The following COL4A3 variants were observed in gnomAD, a reference collection of about 807,000 sequenced individuals.
COL4A3 encodes collagen alpha-3(IV) chain.
In COL4A3, 135 loss-of-function variants were observed where a neutral mutation model predicts 217.4. That is an observed-to-expected ratio of 0.62 (90% CI 0.54 to 0.72). The LOEUF is 0.72. Ranked by LOEUF, COL4A3 falls within the 30% of genes least tolerant of loss-of-function variation. COL4A3 has a pLI of 0.00. For synonymous variants in COL4A3, 690 were observed against 736.3 expected, an observed-to-expected ratio of 0.94 and a Z score of 1.02; for missense variants, 1,868 against 2,119.9, an observed-to-expected ratio of 0.88 and a Z score of 2.33.
chr2:227,196,734 A>T (rs1302954390), intron 1 of COL4A3, among the ~76,000 whole-genome samples: 1 of 152,200 alleles, frequency 6.6e-6, no homozygotes, highest in Non-Finnish European at 1.5e-5. Context: ...CACATCTGTT[A>T]TGTACTTTTG....
In COL4A3 at chr2:227,293,305, C is replaced by T. The variant is rs55816283; in HGVS notation, c.3325C>T (p.Pro1109Ser). ...PEGAPGSPGS[P>S]GLPGKPGPHG... is the part of the protein sequence containing the mutation. ...GGGAGCCCCTGGAAGTCCTGGAAGTCCTGGCCTCCCAGGTAAGGCTTGAGT... is the reference window on the plus strand; with the variant it reads ...GGGAGCCCCTGGAAGTCCTGGAAGTTCTGGCCTCCCAGGTAAGGCTTGAGT... The change falls in exon 38 of 52, where the codon CCT (proline) becomes TCT (serine). Residue 1109 changes from proline to serine, a missense_variant. Pro to Ser is a moderately conservative substitution (Grantham distance 74). Coordinates refer to ENST00000396578, the MANE Select transcript of COL4A3 (RefSeq NM_000091.5). The T allele has an allele frequency of 6.0e-3, 9,701 of 1,613,784 alleles. 48 individuals carry two copies. The highest frequency in any genetic ancestry group is 6.9e-3 in the Non-Finnish European group (8,189 of 1,179,986).
intron 37 of COL4A3, among the ~76,000 whole-genome samples, chr2:227,291,522 C>A (rs1342004821): frequency 3.1e-5 from 4 of 128,096 alleles, no homozygotes; most frequent in Non-Finnish European, 6.2e-5. Context: ...GAGATCGCGC[C>A]ACTGCACTCC....
At chr2:227,248,331 C>T (rs777375490) in intron 8 of COL4A3, 112 bp from the exon 9 acceptor site, 7 of 769,482 alleles carry the variant, frequency 9.1e-6, no homozygotes, top group East Asian at 2.5e-5. Flanking sequence ...TCTCTGAGTA[C>T]ATAACTTGAA....
intron 17 of COL4A3, among the ~76,000 whole-genome samples, chr2:227,257,158 A>ATG (rs1269248779): frequency 1.3e-5 from 2 of 152,340 alleles, no homozygotes; most frequent in Non-Finnish European, 2.9e-5. Context: ...ATGTAGGTAT[A>ATG]TGTGCAGAGT....
chr2:227,248,548 T>C, intron 9 of COL4A3, 28 bp downstream of exon 9: 1 of 1,515,118 alleles, frequency 6.6e-7, no homozygotes, highest in Non-Finnish European at 9.2e-7. Flanking sequence ...AGGTCCCTAT[T>C]ATTCTCAGTT....
intron 1 of COL4A3, among the ~76,000 whole-genome samples, chr2:227,213,609 CAT>C (rs2067406775): frequency 1.3e-5 from 2 of 151,940 alleles, no homozygotes; most frequent in Admixed American, 1.3e-4. Flanking sequence ...TGATTAAAAA[CAT>C]ACATATAAAT....
intron 28 of COL4A3, among the ~76,000 whole-genome samples, chr2:227,277,770 C>A (rs1376492006): frequency 6.6e-6 from 1 of 152,098 alleles, no homozygotes; most frequent in East Asian, 1.9e-4. Flanking sequence ...GAGGCCAAGG[C>A]AGGCAGATCA....
intron 9 of COL4A3, among the ~76,000 whole-genome samples, chr2:227,249,232 T>TATATATATATATA (rs1559865184): frequency 1.4e-4 from 2 of 14,198 alleles, no homozygotes; most frequent in African/African-American, 3.7e-4. Context: ...ATATATATAT[T>TATATATATATATA]TTTTTTTTTT....
chr2:227,281,688 G>A (rs1406743549), intron 31 of COL4A3: 1 of 152,724 alleles, frequency 6.5e-6, no homozygotes, highest in East Asian at 1.9e-4. Flanking sequence ...TTTTCCAGAG[G>A]CATCCAGTGG....
intron 26 of COL4A3, among the ~76,000 whole-genome samples, chr2:227,276,099 A>G (rs1013511603): frequency 6.6e-6 from 1 of 152,242 alleles, no homozygotes; most frequent in Non-Finnish European, 1.5e-5. Context: ...ATCCTAATGT[A>G]AGAGGGTAAA....
rs1167831798 is a variant in COL4A3, at chr2:227,252,065, T to C, written c.645+694T>C. On this transcript the variant is annotated intron_variant, in intron 11 of 51. Coordinates refer to ENST00000396578, the MANE Select transcript of COL4A3 (RefSeq NM_000091.5). ...GCCTGGGTGACAGAAAGAGGCACCA[T>C]CTCAAAAAAAAAAAAAAAAAAAAAA... Among the ~76,000 whole-genome samples, 34 of 85,796 alleles carry C rather than the reference T, an allele frequency of 4.0e-4. No individual in the cohort carries two copies. The Admixed American group carries it at 5.4e-3, about 14-fold the overall frequency. The allele number at this position is 85,796 out of a possible 152,430, so 56.3% of individuals were successfully genotyped here. A position where few individuals can be genotyped will look rare whatever the true frequency, so the allele number is the denominator to read the frequency against.
chr2:227,234,188 AAG>A (rs1044333120), intron 1 of COL4A3, among the ~76,000 whole-genome samples: 53 of 152,114 alleles, frequency 3.5e-4, no homozygotes, highest in African/African-American at 1.2e-3. Flanking sequence ...GAGAGAGAGA[AAG>A]AGAGAAGGAG....
At chr2:227,190,337 G>C (rs572296329) in intron 1 of COL4A3, among the ~76,000 whole-genome samples, 4 of 152,228 alleles carry the variant, frequency 2.6e-5, no homozygotes, top group Admixed American at 6.5e-5. Context: ...AACATGCCTT[G>C]AATTCCATTT....
chr2:227,188,606 T>C (rs2066119866), intron 1 of COL4A3, among the ~76,000 whole-genome samples: 1 of 152,228 alleles, frequency 6.6e-6, no homozygotes, highest in Non-Finnish European at 1.5e-5. Context: ...TTTTAACTTG[T>C]TTAAAACTGG....
intron 1 of COL4A3, among the ~76,000 whole-genome samples, chr2:227,196,616 C>T (rs552562106): frequency 1.4e-4 from 22 of 152,164 alleles, no homozygotes; most frequent in African/African-American, 5.1e-4. Context: ...TGCGCCTGGC[C>T]GTTTTTATCT....
rs1315648970 is a variant in COL4A3 at position 227,313,904 on chromosome 2, T to C, written c.*2034T>C. 6.6e-6 allele frequency: 1 copy of C among 151,858 alleles called. No individual in the cohort carries two copies. The highest frequency in any genetic ancestry group is 6.6e-5 in the Admixed American group (1 of 15,216). The allele number at this position is 151,858 out of a possible 1,614,324, so 9.4% of individuals were successfully genotyped here. A position where few individuals can be genotyped will look rare whatever the true frequency, so the allele number is the denominator to read the frequency against. On this transcript the variant is annotated 3_prime_UTR_variant, in exon 52 of 52. Coordinates refer to ENST00000396578, the MANE Select transcript of COL4A3 (RefSeq NM_000091.5). ...TCTGGGAACTTGTCACAGATGCAGATTCTAGGGACCACTCCAGACCTACAC... is the reference window on the plus strand; with the variant it reads ...TCTGGGAACTTGTCACAGATGCAGACTCTAGGGACCACTCCAGACCTACAC...
In COL4A3 at chr2:227,282,581, A is replaced by G; in HGVS notation, c.2656+49A>G. 6.4e-7 allele frequency: 1 copy of G among 1,556,118 alleles called. No individual in the cohort carries two copies. Among genetic ancestry groups the G allele is most frequent in the Non-Finnish European group, 8.9e-7 (1 of 1,128,844 alleles). On this transcript the variant is annotated intron_variant, in intron 32 of 51. Transcript: ENST00000396578. The surrounding 1 kb of genome is among the most constrained non-coding windows in gnomAD (Gnocchi z 4.4). ...TTTCTTCTTATTTCTTCTTCTTCTT[A>G]AGGTGGCTCTGTCAACTGTACATAG...
At position 227,297,654 on chromosome 2, in the gene COL4A3, T is replaced by C. The variant is rs954811394; in HGVS notation, c.3566-20T>C. Reference sequence around the variant, plus strand: ...AGCATATGGGCATTAAAGAAACTTATTAAGCCTTCTTCTTTGCAGGAGCCA... The same window carrying C: ...AGCATATGGGCATTAAAGAAACTTACTAAGCCTTCTTCTTTGCAGGAGCCA... On this transcript the variant is annotated intron_variant, in intron 41 of 51. Coordinates refer to ENST00000396578, the MANE Select transcript of COL4A3 (RefSeq NM_000091.5). 9.4e-6 allele frequency: 15 copies of C among 1,597,126 alleles called. No homozygotes were observed. Among genetic ancestry groups the C allele is most frequent in the Middle Eastern group, 2.0e-4 (1 of 5,098 alleles).
Position 227,295,024 on chromosome 2 carries a change from A to T in COL4A3, c.3479A>T (p.Asp1160Val). Reference protein sequence around the residue: ...PMGIRGDQGRDGIPGPAGEKG... With the variant: ...PMGIRGDQGRVGIPGPAGEKG... The stretch of plus-strand genomic sequence containing the variant: ...GGTATAAGAGGTGACCAAGGACGTG[A>T]TGGAATTCCTGGTCCAGCCGGAGAA... The change falls in exon 40 of 52, where the codon GAT (aspartate) becomes GTT (valine). Residue 1160 changes from aspartate to valine, a missense_variant. Physicochemically the swap from Asp to Val is radical, Grantham distance 152 (BLOSUM62 -3). Coordinates refer to ENST00000396578, the MANE Select transcript of COL4A3 (RefSeq NM_000091.5). The T allele has an allele frequency of 6.2e-7, 1 of 1,612,408 alleles. No individual in the cohort carries two copies. Among genetic ancestry groups the T allele is most frequent in the Non-Finnish European group, 8.5e-7 (1 of 1,179,640 alleles).
Sources: allele counts gnomAD v4.1 joint callset (sites outside exome capture counted in the v4.1 genomes callset), GRCh38; gene constraint gnomAD v4.1.1; non-coding constraint Gnocchi (gnomAD v3.1); transcripts MANE v1.5; gene names NCBI Gene and HGNC (gene_info 2026-07-23, HGNC 2026-07-21).